EPB41L4B: variants seen among roughly 807,000 people sequenced by gnomAD.
EPB41L4B encodes band 4.1-like protein 4B.
EPB41L4B carries 30 observed loss-of-function variants against 112.5 expected under a neutral mutation model. The observed-to-expected ratio is 0.27, with a 90% CI of 0.20 to 0.36. The LOEUF is 0.36. Ranked by LOEUF, EPB41L4B falls within the 10% of genes least tolerant of loss-of-function variation. EPB41L4B has a pLI of 1.00. For missense variants in EPB41L4B, 1,024 were observed against 1,133.3 expected (o/e 0.90, Z 1.38); for synonymous variants, 408 against 439.7 (o/e 0.93, Z 0.90).
Position 109,318,097 on chromosome 9 carries a change from C to T in EPB41L4B, c.306+2044G>A, listed in dbSNP as rs961223762. ...TTCATCTTTCCTCCCTGAGAGCTCA[C>T]GTGACACAAGCCAGCATTTGCTTTT... On this transcript the variant is annotated intron_variant, in intron 1 of 25. Transcript: ENST00000374566. Among the ~76,000 whole-genome samples, 4 of 152,054 alleles carry T rather than the reference C, an allele frequency of 2.6e-5. No homozygotes were observed. The South Asian group carries it at 8.3e-4, about 31-fold the overall frequency.
In EPB41L4B at chr9:109,172,715, T is replaced by A. The variant is rs1417129182; in HGVS notation, c.*1839A>T. The A allele has an allele frequency of 2.6e-5, 4 of 152,444 alleles. No homozygotes were observed. The highest frequency in any genetic ancestry group is 5.9e-5 in the Non-Finnish European group (4 of 68,026). The allele number at this position is 152,444 out of a possible 1,614,324, so 9.4% of individuals were successfully genotyped here. A position where few individuals can be genotyped will look rare whatever the true frequency, so the allele number is the denominator to read the frequency against. ...CTAAGGCAGGGAAGTGCGTAATACA[T>A]TTTAGAAAGATTTCCCTCAAAAAAA... On this transcript the variant is annotated 3_prime_UTR_variant, in exon 26 of 26. Transcript: ENST00000374566.
At chr9:109,278,585 A>G (rs1835922555) in intron 2 of EPB41L4B, among the ~76,000 whole-genome samples, 1 of 152,118 alleles carries the variant, frequency 6.6e-6, no homozygotes, top group Non-Finnish European at 1.5e-5. Context: ...AGCCTTAACC[A>G]TTATGGGAGC....
intron 2 of EPB41L4B, among the ~76,000 whole-genome samples, chr9:109,272,064 A>T (rs543334056): frequency 4.4e-4 from 67 of 152,306 alleles, no homozygotes; most frequent in African/African-American, 1.6e-3. Context: ...AGAGCATCTA[A>T]CAACTCTCTG....
At position 109,216,573 on chromosome 9, in the gene EPB41L4B, G is replaced by A. The variant is rs144522284; in HGVS notation, c.1633+349C>T. Among the ~76,000 whole-genome samples the A allele has an allele frequency of 5.1e-3, 775 of 151,706 alleles. 5 individuals carry two copies. The highest frequency in any genetic ancestry group is 0.017 in the Middle Eastern group (5 of 294). On this transcript the variant is annotated intron_variant, in intron 16 of 25. Transcript: ENST00000374566. Reference sequence around the variant, plus strand: ...GGAGAATTGCTCGGACCTGGGAGGGGGAGGGTGCAATGAGCCGAGATCATG... The same window carrying A: ...GGAGAATTGCTCGGACCTGGGAGGGAGAGGGTGCAATGAGCCGAGATCATG...
intron 15 of EPB41L4B, among the ~76,000 whole-genome samples, chr9:109,238,245 A>G (rs1834220094): frequency 6.6e-6 from 1 of 152,184 alleles, no homozygotes. Flanking sequence ...TTCCAATGTC[A>G]CGTGGCTGGA....
intron 18 of EPB41L4B, among the ~76,000 whole-genome samples, chr9:109,205,617 C>A (rs946743702): frequency 1.3e-5 from 2 of 152,120 alleles, no homozygotes; most frequent in Non-Finnish European, 2.9e-5. Context: ...GGGAAATAAA[C>A]CTGACCATCC....
intron 20 of EPB41L4B, among the ~76,000 whole-genome samples, chr9:109,197,726 C>T (rs369127018): frequency 4.8e-5 from 7 of 146,882 alleles, no homozygotes; most frequent in Admixed American, 6.9e-5. Flanking sequence ...AGGCTGAGGC[C>T]GGAGAATCGC....
intron 22 of EPB41L4B, among the ~76,000 whole-genome samples, chr9:109,188,664 C>A (rs186876386): frequency 5.6e-4 from 85 of 152,296 alleles, no homozygotes; most frequent in African/African-American, 1.9e-3. Flanking sequence ...TAAGTTATTG[C>A]ACCAGATGGA....
At position 109,301,751 on chromosome 9, in the gene EPB41L4B, C is replaced by T. The variant is rs146744764; in HGVS notation, c.306+18390G>A. Among the ~76,000 whole-genome samples, 1,319 of 152,306 alleles carry T rather than the reference C, an allele frequency of 8.7e-3. 9 individuals are homozygous for T. The highest frequency in any genetic ancestry group is 0.013 in the Non-Finnish European group (863 of 68,036). On this transcript the variant is annotated intron_variant, in intron 1 of 25. Coordinates refer to ENST00000374566, the MANE Select transcript of EPB41L4B (RefSeq NM_019114.5). ...CATCTTATATGGGTAAGCTACAACG[C>T]GTTGAGATAAATATTTCCGATAAAA...
At chr9:109,195,315 C>A (rs993693247) in intron 20 of EPB41L4B, among the ~76,000 whole-genome samples, 2 of 152,136 alleles carry the variant, frequency 1.3e-5, no homozygotes, top group Non-Finnish European at 1.5e-5. Context: ...GGCCTCAGCC[C>A]AGCACGGGGC....
At chr9:109,258,363 G>C in intron 6 of EPB41L4B, 66 bp from the exon 7 acceptor site, 1 of 1,565,914 alleles carries the variant, frequency 6.4e-7, no homozygotes, top group Non-Finnish European at 8.7e-7. Context: ...GCTGCAACCA[G>C]GTCCAAAGGC....
chr9:109,233,341 CATG>C (rs1298470266), intron 15 of EPB41L4B, among the ~76,000 whole-genome samples: 1 of 152,096 alleles, frequency 6.6e-6, no homozygotes, highest in African/African-American at 2.4e-5. Flanking sequence ...CAGGGAAATT[CATG>C]ATGTCTGGGT....
chr9:109,259,994 T>C (rs535806612), intron 6 of EPB41L4B, among the ~76,000 whole-genome samples: 2 of 152,248 alleles, frequency 1.3e-5, no homozygotes, highest in Non-Finnish European at 2.9e-5. Context: ...CATTTACTCA[T>C]GGAATGGGGT....
At chr9:109,226,767 T>TATATATATGAAGAATATATATGAA (rs1318289004) in intron 15 of EPB41L4B, among the ~76,000 whole-genome samples, 16 of 131,260 alleles carry the variant, frequency 1.2e-4, no homozygotes, top group South Asian at 2.4e-4. Flanking sequence ...TATATATATA[T>TATATATATGAAGAATATATATGAA]GAATATATAT....
In EPB41L4B at chr9:109,266,833, A is replaced by G. The variant is rs144114399; in HGVS notation, c.533+640T>C. Among the ~76,000 whole-genome samples the G allele has an allele frequency of 7.7e-3, 1,175 of 151,986 alleles. 31 individuals carry two copies. The highest frequency in any genetic ancestry group is 0.027 in the African/African-American group (1,130 of 41,458). On this transcript the variant is annotated intron_variant, in intron 4 of 25. Coordinates refer to ENST00000374566, the MANE Select transcript of EPB41L4B (RefSeq NM_019114.5). ...AATATATAACAATTAGCAGAGTGTGATGGTGTGCGCCTGTAATCCCATCTA... is the reference window on the plus strand; with the variant it reads ...AATATATAACAATTAGCAGAGTGTGGTGGTGTGCGCCTGTAATCCCATCTA...
intron 13 of EPB41L4B, among the ~76,000 whole-genome samples, chr9:109,249,058 C>CAAAA (rs11287142): frequency 6.6e-5 from 8 of 121,316 alleles, no homozygotes; most frequent in African/African-American, 2.5e-4. Flanking sequence ...GACTCCATCT[C>CAAAA]AAAAAAAAAA....
Position 109,185,586 on chromosome 9 carries a change from G to A in EPB41L4B, c.2321C>T (p.Pro774Leu). 1 of 1,611,414 alleles carries A rather than the reference G, an allele frequency of 6.2e-7. No individual in the cohort carries two copies. The highest frequency in any genetic ancestry group is 8.5e-7 in the Non-Finnish European group (1 of 1,178,648). ...ATPLAEPASN[P>L]HCAHSRCSPP... Reference sequence around the variant, plus strand: ...AGAACAGCGAGAGTGGGCACAGTGGGGGTTGCTGGCGGGCTCTGCCTGCTC... The same window carrying A: ...AGAACAGCGAGAGTGGGCACAGTGGAGGTTGCTGGCGGGCTCTGCCTGCTC... Residue 774 changes from proline (P) to leucine (L), a missense_variant, in exon 23 of 26, where the codon CCC becomes CTC. Physicochemically the swap from Pro to Leu is moderately conservative, Grantham distance 98. Transcript: ENST00000374566.
At chr9:109,294,615 G>A (rs530161335) in intron 1 of EPB41L4B, among the ~76,000 whole-genome samples, 11 of 151,892 alleles carry the variant, frequency 7.2e-5, no homozygotes, top group African/African-American at 2.2e-4. Context: ...CAGAGACCCC[G>A]TACCCCCTCA....
chr9:109,282,852 G>A (rs1037731203), intron 1 of EPB41L4B, among the ~76,000 whole-genome samples: 7 of 151,862 alleles, frequency 4.6e-5, no homozygotes, highest in African/African-American at 9.7e-5. Context: ...CACCAAGCCC[G>A]GCTTATTTTT....
Sources: gnomAD v4.1 joint callset for allele counts (sites outside exome capture counted in the v4.1 genomes callset) on GRCh38, gnomAD v4.1.1 for gene constraint, MANE v1.5 for transcripts, NCBI Gene and HGNC (gene_info 2026-07-23, HGNC 2026-07-21) for gene names.